The following SELENOT variants were observed in gnomAD, a reference collection of about 807,000 sequenced individuals.
SELENOT encodes the protein selenoprotein T.
Under a neutral mutation model 24.3 loss-of-function variants are expected in SELENOT, and 9 were observed. The observed-to-expected ratio is 0.37, with a 90% CI of 0.22 to 0.65. The LOEUF (loss-of-function observed/expected upper bound fraction) is 0.65. SELENOT is among the 30% of genes least tolerant of loss of function. The pLI is 0.60. For synonymous variants in SELENOT, 81 were observed against 86.0 expected (o/e 0.94, Z 0.32); for missense variants, 166 against 247.6 (o/e 0.67, Z 2.21).
intron 1 of SELENOT, among the ~76,000 whole-genome samples, chr3:150,610,209 C>T (rs6440685): frequency 0.82 from 123,884 of 151,990 alleles, 51,031 homozygotes; most frequent in East Asian, 1. Flanking sequence ...TTTGGCATTA[C>T]GAAACCTAGC....
chr3:150,625,598 T>TA (rs1285867761), intron 4 of SELENOT, among the ~76,000 whole-genome samples: 1 of 152,102 alleles, frequency 6.6e-6, no homozygotes, highest in Non-Finnish European at 1.5e-5. Context: ...GGTTGGCAAA[T>TA]ACGGCCTATG....
In SELENOT at chr3:150,603,751, G is replaced by A. The variant is rs117226814; in HGVS notation, c.137+252G>A. On this transcript the variant is annotated intron_variant, in intron 1 of 5. Transcript: ENST00000471696. ...GGAATGGGGAAGGAGGGCGCGAGAA[G>A]GTTAAACGCTGAAAGGCGAAGACTG... 2,699 of 356,456 alleles carry A rather than the reference G, an allele frequency of 7.6e-3. 101 individuals carry two copies. Among genetic ancestry groups the A allele is most frequent in the Admixed American group, 0.058 (1,216 of 20,970 alleles). The allele number at this position is 356,456 out of a possible 1,614,324, so 22.1% of individuals were successfully genotyped here. A position where few individuals can be genotyped will look rare whatever the true frequency, so the allele number is the denominator to read the frequency against.
rs1327559648 is a variant in SELENOT, at chr3:150,628,589, GA to G, written c.*962del. On this transcript the variant is annotated 3_prime_UTR_variant, in exon 6 of 6. Transcript: ENST00000471696. ...CCTCTTTATAGCATTGATACTAGGT[GA>G]ACAGAAATTACCTGACTAATAATTT... 3 of 152,054 alleles carry G rather than the reference GA, an allele frequency of 2.0e-5. No homozygotes were observed. The highest frequency in any genetic ancestry group is 4.4e-5 in the Non-Finnish European group (3 of 67,988). 9.4% of individuals were successfully genotyped at this position (152,054 alleles called of 1,614,324 possible). A position where few individuals can be genotyped will look rare whatever the true frequency, so the allele number is the denominator to read the frequency against.
At chr3:150,606,886 C>T (rs1453102931) in intron 1 of SELENOT, among the ~76,000 whole-genome samples, 1 of 152,090 alleles carries the variant, frequency 6.6e-6, no homozygotes, top group African/African-American at 2.4e-5. Flanking sequence ...GAGCCACTGC[C>T]CCCGGCTGAA....
At chr3:150,604,294 C>G (rs1164190170) in intron 1 of SELENOT, among the ~76,000 whole-genome samples, 2 of 152,014 alleles carry the variant, frequency 1.3e-5, no homozygotes, top group East Asian at 3.8e-4. Context: ...TGTTTTTAAC[C>G]TAATCGTTAG....
In SELENOT at chr3:150,603,367, G is replaced by A. The variant is rs1725887394; in HGVS notation, c.5G>A (p.Arg2Lys). 6.2e-7 allele frequency: 1 copy of A among 1,612,304 alleles called. No individual in the cohort carries two copies. The highest frequency in any genetic ancestry group is 1.3e-5 in the African/African-American group (1 of 74,932). Residue 2 changes from arginine to lysine, a missense_variant, in exon 1 of 6, where the codon AGG (arginine) becomes AAG (lysine). By Grantham distance (26) the Arg-to-Lys change is conservative (BLOSUM62 2). This residue lies in a region of SELENOT where 46 missense variants were observed against 49.3 expected (regional missense o/e 0.93). Transcript: ENST00000471696. ...GAAGTGGCTGGCTCATTTAAGATGAGGCTTCTGCTGCTTCTCCTAGTGGCG... is the reference window on the plus strand; with the variant it reads ...GAAGTGGCTGGCTCATTTAAGATGAAGCTTCTGCTGCTTCTCCTAGTGGCG... M[R>K]LLLLLLVAAS...
chr3:150,615,315 G>T (rs1181690096), intron 1 of SELENOT, among the ~76,000 whole-genome samples: 6 of 151,512 alleles, frequency 4.0e-5, no homozygotes, highest in African/African-American at 7.3e-5. Flanking sequence ...GAATAATGCC[G>T]CAATAAACAT....
chr3:150,603,540 C>G, intron 1 of SELENOT, 41 bp downstream of exon 1: 1 of 1,541,114 alleles, frequency 6.5e-7, no homozygotes, highest in Non-Finnish European at 8.8e-7. Flanking sequence ...CGCCGCGCCT[C>G]TGCTCGGCGC....
At position 150,628,666 on chromosome 3, in the gene SELENOT, A is replaced by C. The variant is rs570978192; in HGVS notation, c.*1037A>C. Reference sequence around the variant, plus strand: ...ATTGTATATGATGAACAAAACTTAAAATTTTTTAAATTTAATTTTTAAATA... The same window carrying C: ...ATTGTATATGATGAACAAAACTTAACATTTTTTAAATTTAATTTTTAAATA... On this transcript the variant is annotated 3_prime_UTR_variant, in exon 6 of 6. Transcript: ENST00000471696. 2 of 152,300 alleles carry C rather than the reference A, an allele frequency of 1.3e-5. No individual in the cohort carries two copies. The highest frequency in any genetic ancestry group is 6.5e-5 in the Admixed American group (1 of 15,302). The allele number at this position is 152,300 out of a possible 1,614,324, so 9.4% of individuals were successfully genotyped here.
chr3:150,616,677 C>T (rs1310914096), intron 1 of SELENOT, among the ~76,000 whole-genome samples: 1 of 152,202 alleles, frequency 6.6e-6, no homozygotes, highest in East Asian at 1.9e-4. Flanking sequence ...GTTAGAATGG[C>T]AGTCATTAAA....
intron 1 of SELENOT, among the ~76,000 whole-genome samples, chr3:150,609,192 A>G (rs191005233): frequency 1.3e-5 from 2 of 152,186 alleles, no homozygotes; most frequent in African/African-American, 4.8e-5. Flanking sequence ...TGAGGGTAAA[A>G]CTTAAGTTTT....
chr3:150,605,053 A>G (rs1435690527), intron 1 of SELENOT, among the ~76,000 whole-genome samples: 1 of 151,580 alleles, frequency 6.6e-6, no homozygotes, highest in Non-Finnish European at 1.5e-5. Context: ...AAAAAAAAAA[A>G]ACCTCCCTGT....
intron 4 of SELENOT, among the ~76,000 whole-genome samples, chr3:150,626,409 G>A (rs1726446180): frequency 6.6e-6 from 1 of 152,092 alleles, no homozygotes; most frequent in African/African-American, 2.4e-5. Flanking sequence ...CTTGTGTATT[G>A]TTACAGCTGC....
chr3:150,627,292 A>C, intron 5 of SELENOT, 129 bp downstream of exon 5: 2 of 728,994 alleles, frequency 2.7e-6, no homozygotes, highest in Non-Finnish European at 4.2e-6. Context: ...TGTATTCTTC[A>C]TTAAAATGTT....
chr3:150,604,780 T>G (rs1725921966), intron 1 of SELENOT, among the ~76,000 whole-genome samples: 1 of 152,236 alleles, frequency 6.6e-6, no homozygotes, highest in African/African-American at 2.4e-5. Flanking sequence ...CTCACGCCTG[T>G]AATCCCAGCA....
intron 1 of SELENOT, among the ~76,000 whole-genome samples, chr3:150,606,450 T>C (rs1300199578): frequency 6.6e-6 from 1 of 152,202 alleles, no homozygotes; most frequent in Non-Finnish European, 1.5e-5. Flanking sequence ...TACTTGTGTA[T>C]CTGAGTCTGT....
intron 1 of SELENOT, among the ~76,000 whole-genome samples, chr3:150,620,714 A>AT (rs1726324250): frequency 6.6e-6 from 1 of 152,196 alleles, no homozygotes; most frequent in Non-Finnish European, 1.5e-5. Flanking sequence ...GAAAGATACA[A>AT]TTATTTTAGA....
chr3:150,611,855 T>A, intron 1 of SELENOT: 1 of 948,288 alleles, frequency 1.1e-6, no homozygotes, highest in Non-Finnish European at 1.6e-6. Flanking sequence ...GCCTCCCCAC[T>A]GCCCAGGCGT....
At chr3:150,606,629 G>A (rs1393146760) in intron 1 of SELENOT, among the ~76,000 whole-genome samples, 2 of 152,150 alleles carry the variant, frequency 1.3e-5, no homozygotes, top group African/African-American at 4.8e-5. Flanking sequence ...GTGTTGCTTT[G>A]TTGCCCAAGC....
Sources: gnomAD v4.1 joint callset for allele counts (sites outside exome capture counted in the v4.1 genomes callset) on GRCh38, gnomAD v4.1.1 for gene constraint, gnomAD v4.1.1 regional missense constraint, MANE v1.5 for transcripts, NCBI Gene and HGNC (gene_info 2026-07-23, HGNC 2026-07-21) for gene names.